SMC1B: variants seen among roughly 807,000 people sequenced by gnomAD.
The protein encoded by SMC1B is structural maintenance of chromosomes protein 1B.
SMC1B carries 60 observed loss-of-function variants against 157.9 expected under a neutral mutation model. The observed-to-expected ratio is 0.38, with a 90% CI of 0.31 to 0.47. The LOEUF (loss-of-function observed/expected upper bound fraction) is 0.47, where lower values mean the gene tolerates loss of function less well. SMC1B is among the 20% of genes least tolerant of loss of function. The pLI is 0.99. For missense variants in SMC1B, 1,165 were observed against 1,426.2 expected, an observed-to-expected ratio of 0.82 and a Z score of 2.95; for synonymous variants, 445 against 483.0, an observed-to-expected ratio of 0.92 and a Z score of 1.03.
intron 23 of SMC1B, among the ~76,000 whole-genome samples, chr22:45,347,539 A>G (rs115007402): frequency 6.6e-6 from 1 of 152,172 alleles, no homozygotes; most frequent in Non-Finnish European, 1.5e-5. Context: ...GACTGAAAAC[A>G]TCTCTCAGCC....
At chr22:45,374,156 T>A in intron 12 of SMC1B, among the ~76,000 whole-genome samples, 1 of 139,330 alleles carries the variant, frequency 7.2e-6, no homozygotes, top group Admixed American at 8.3e-5. Flanking sequence ...TGAGAAAGAA[T>A]CTTGTGTAGT....
chr22:45,353,791 G>A (rs1231848838), intron 21 of SMC1B, among the ~76,000 whole-genome samples, 187 bp downstream of exon 21: 1 of 145,970 alleles, frequency 6.9e-6, no homozygotes, highest in Non-Finnish European at 1.5e-5. Flanking sequence ...AGTGTGGAGT[G>A]AATGGGATCT....
At chr22:45,411,514 G>A (rs1210374862) in intron 1 of SMC1B, among the ~76,000 whole-genome samples, 4 of 152,214 alleles carry the variant, frequency 2.6e-5, no homozygotes, top group African/African-American at 9.6e-5. Flanking sequence ...GAAGTAGATG[G>A]TGATGATGGT....
rs576825711 is a variant in SMC1B, at chr22:45,396,565, T to C, written c.1114-79A>G. On this transcript the variant is annotated intron_variant, in intron 6 of 24. Coordinates refer to ENST00000357450, the MANE Select transcript of SMC1B (RefSeq NM_148674.5). Reference sequence around the variant, plus strand: ...AATTTCTTTGTATGAAATCCTGTACTAGAAGATAATTAATCTTCCCAAAAG... The same window carrying C: ...AATTTCTTTGTATGAAATCCTGTACCAGAAGATAATTAATCTTCCCAAAAG... The C allele has an allele frequency of 2.1e-4, 252 of 1,217,544 alleles. 1 individual carries two copies. The South Asian group carries it at 3.5e-3, about 17-fold the overall frequency. 75.4% of individuals were successfully genotyped at this position (1,217,544 alleles called of 1,614,324 possible). A position where few individuals can be genotyped will look rare whatever the true frequency, so the allele number is the denominator to read the frequency against.
intron 4 of SMC1B, among the ~76,000 whole-genome samples, chr22:45,403,854 C>T (rs1250369323): frequency 6.6e-6 from 1 of 152,148 alleles, no homozygotes; most frequent in Non-Finnish European, 1.5e-5. Context: ...AAACTCTGAT[C>T]TTTTTTCTTC....
intron 1 of SMC1B, 79 bp from the exon 2 acceptor site, chr22:45,408,977 C>G: frequency 1.2e-6 from 1 of 829,188 alleles, no homozygotes; most frequent in Non-Finnish European, 1.8e-6. Context: ...ATCAGGCCAC[C>G]AATCGAAGTG....
At chr22:45,394,406 C>T (rs544733681) in intron 8 of SMC1B, among the ~76,000 whole-genome samples, 32 of 152,020 alleles carry the variant, frequency 2.1e-4, no homozygotes, top group South Asian at 6.2e-4. Context: ...TTTGGGAGTC[C>T]GAGGAGGGTG....
intron 10 of SMC1B, among the ~76,000 whole-genome samples, chr22:45,388,011 A>ACCC (rs2087008555): frequency 6.7e-6 from 1 of 149,790 alleles, no homozygotes; most frequent in African/African-American, 2.5e-5. Context: ...CAGCCTGGGT[A>ACCC]ACAAGGGTGA....
At chr22:45,387,499 T>C (rs767916143) in intron 10 of SMC1B, among the ~76,000 whole-genome samples, 2 of 151,978 alleles carry the variant, frequency 1.3e-5, no homozygotes, top group Admixed American at 6.6e-5. Flanking sequence ...CCATAAAAGA[T>C]TGATAAGAAC....
intron 9 of SMC1B, among the ~76,000 whole-genome samples, chr22:45,392,138 A>G (rs1285431077): frequency 1.3e-5 from 2 of 152,050 alleles, no homozygotes; most frequent in African/African-American, 2.4e-5. Context: ...TAGTAGAGAC[A>G]GTGTTTCACC....
chr22:45,353,926 ACC>A, intron 21 of SMC1B, 50 bp downstream of exon 21: 4 of 799,718 alleles, frequency 5.0e-6, no homozygotes, highest in South Asian at 3.8e-5. Context: ...AAAAACAACC[ACC>A]ACCGGTAACA....
At chr22:45,384,472 G>GT (rs2086970438) in intron 11 of SMC1B, among the ~76,000 whole-genome samples, 1 of 152,124 alleles carries the variant, frequency 6.6e-6, no homozygotes, top group African/African-American at 2.4e-5. Flanking sequence ...GCTCATGCCT[G>GT]TAACCCTGGC....
At chr22:45,353,302 G>C in intron 21 of SMC1B, among the ~76,000 whole-genome samples, 1 of 149,902 alleles carries the variant, frequency 6.7e-6, no homozygotes, top group Non-Finnish European at 1.5e-5. Context: ...AAAAAAAAAA[G>C]GGTTAATGGG....
chr22:45,392,321 C>T (rs530792351), intron 9 of SMC1B, among the ~76,000 whole-genome samples: 1 of 152,054 alleles, frequency 6.6e-6, no homozygotes, highest in African/African-American at 2.4e-5. Flanking sequence ...TCAAGGAATA[C>T]TAGGTGAGAA....
chr22:45,409,611 A>AATAAAAAC (rs1341383331), intron 1 of SMC1B, among the ~76,000 whole-genome samples: 1 of 38,816 alleles, frequency 2.6e-5, no homozygotes, highest in Non-Finnish European at 4.1e-5. Flanking sequence ...TAAATAAATA[A>AATAAAAAC]AAACAAGAGA....
At chr22:45,353,932 G>A (rs775427600) in intron 21 of SMC1B, 46 bp downstream of exon 21, 60 of 329,868 alleles carry the variant, frequency 1.8e-4, no homozygotes, top group African/African-American at 1.4e-3. Context: ...AACCACCACC[G>A]GTAACACAGA....
chr22:45,376,508 C>G (rs1392760117), intron 12 of SMC1B, among the ~76,000 whole-genome samples: 1 of 152,110 alleles, frequency 6.6e-6, no homozygotes, highest in East Asian at 1.9e-4. Flanking sequence ...GTGTATAAAT[C>G]TCTTTTTAAG....
At chr22:45,394,813 C>T (rs746820868) in intron 7 of SMC1B, 46 bp from the exon 8 acceptor site, 4 of 1,452,798 alleles carry the variant, frequency 2.8e-6, no homozygotes, top group Non-Finnish European at 3.7e-6. Context: ...CAATTCCAAA[C>T]CAACAAAATT....
chr22:45,362,957 C>A lies in SMC1B; in HGVS notation c.2490G>T (p.Lys830Asn). Residue 830 changes from lysine (K) to asparagine (N), a missense_variant, in exon 16 of 25, where the codon AAG (lysine) becomes AAT (asparagine). By Grantham distance (94) the Lys-to-Asn change is moderately conservative. Coordinates refer to ENST00000357450, the MANE Select transcript of SMC1B (RefSeq NM_148674.5). ...TTAATGTGTTGATCTTATTCAGTTTCTTCTTAAGGTGACTGCGACTATACT... is the reference window on the plus strand; with the variant it reads ...TTAATGTGTTGATCTTATTCAGTTTATTCTTAAGGTGACTGCGACTATACT... ...QLEYSRSHLK[K>N]KLNKINTLKE... 6.2e-7 allele frequency: 1 copy of A among 1,602,908 alleles called. No homozygotes were observed. Among genetic ancestry groups the A allele is most frequent in the Non-Finnish European group, 8.5e-7 (1 of 1,175,678 alleles).
Sources: gnomAD v4.1 joint callset for allele counts (sites outside exome capture counted in the v4.1 genomes callset) on GRCh38, gnomAD v4.1.1 for gene constraint, MANE v1.5 for transcripts, NCBI Gene and HGNC (gene_info 2026-07-23, HGNC 2026-07-21) for gene names.